WNK1: variants seen among roughly 807,000 people sequenced by gnomAD.
WNK1 encodes the protein serine/threonine-protein kinase WNK1.
In WNK1, 38 loss-of-function variants were observed where a neutral mutation model predicts 222.8. The ratio of observed to expected loss-of-function variants is 0.17; its 90% CI spans 0.13 to 0.22. WNK1 has a LOEUF of 0.22. Ranked by LOEUF, WNK1 falls within the 10% of genes least tolerant of loss-of-function variation. WNK1 has a pLI of 1.00. For synonymous variants in WNK1, 1,090 were observed against 1,092.9 expected, an observed-to-expected ratio of 1.00 and a Z score of 0.05; for missense variants, 2,348 against 2,918.4, an observed-to-expected ratio of 0.80 and a Z score of 4.50.
intron 4 of WNK1, among the ~76,000 whole-genome samples, chr12:831,700 T>C (rs2154029102): frequency 6.6e-6 from 1 of 152,322 alleles, no homozygotes; most frequent in African/African-American, 2.4e-5. Context: ...TTATAATTTT[T>C]AATGAATTAA....
rs889773387 is a variant in WNK1, at chr12:883,192, T to A, written c.3489+133T>A. On this transcript the variant is annotated intron_variant, in intron 15 of 27. Coordinates refer to ENST00000315939, the MANE Select transcript of WNK1 (RefSeq NM_018979.4). ...GCATTTACTTCAATGTGAATAAAAC[T>A]ATCACACCCAACCTGTGATTTAGTG... is the stretch of plus-strand genomic sequence containing the variant. 30 of 960,404 alleles carry A rather than the reference T, an allele frequency of 3.1e-5. No homozygotes were observed. The African/African-American group carries it at 4.2e-4, about 13-fold the overall frequency. The allele number at this position is 960,404 out of a possible 1,614,324, so 59.5% of individuals were successfully genotyped here.
At chr12:770,174 A>G (rs530772047) in intron 1 of WNK1, among the ~76,000 whole-genome samples, 3 of 152,006 alleles carry the variant, frequency 2.0e-5, no homozygotes, top group East Asian at 1.9e-4. Flanking sequence ...TGGTTTCTCT[A>G]TGTTGGTCAG....
In WNK1 at chr12:834,869, A is replaced by G. The variant is rs542579785; in HGVS notation, c.1311+4709A>G. On this transcript the variant is annotated intron_variant, in intron 4 of 27. Coordinates refer to ENST00000315939, the MANE Select transcript of WNK1 (RefSeq NM_018979.4). ...GAAACTTTGAACTGATTAGGAAATA[A>G]TAATTGTGAAGCAGCACCAGGCATC... Among the ~76,000 whole-genome samples, 5 of 152,320 alleles carry G rather than the reference A, an allele frequency of 3.3e-5. No individual in the cohort carries two copies. The South Asian group carries it at 8.3e-4, about 25-fold the overall frequency.
intron 3 of WNK1, among the ~76,000 whole-genome samples, chr12:828,873 T>C (rs1591894591): frequency 1.3e-5 from 2 of 152,252 alleles, no homozygotes; most frequent in Admixed American, 1.3e-4. Flanking sequence ...TAAGTGAACT[T>C]GGATACTGAG....
At chr12:833,396 A>G (rs1444594569) in intron 4 of WNK1, among the ~76,000 whole-genome samples, 1 of 152,210 alleles carries the variant, frequency 6.6e-6, no homozygotes, top group Non-Finnish European at 1.5e-5. Flanking sequence ...AATCTTTGCT[A>G]TTCTTCATCT....
rs1012754203 is a variant in WNK1 at position 754,086 on chromosome 12, G to A, written c.521G>A (p.Ser174Asn). 2.5e-6 allele frequency: 4 copies of A among 1,609,512 alleles called. No homozygotes were observed. In the African/African-American group the frequency reaches 5.3e-5, roughly 21 times the overall value. Residue 174 changes from serine (S) to asparagine (N), a missense_variant, in exon 1 of 28, where the codon AGC (serine) becomes AAC (asparagine). Transcript: ENST00000315939. Reference protein sequence around the residue: ...RPVSQPSLVGSKEEPPPARSG... With the variant: ...RPVSQPSLVGNKEEPPPARSG... ...GTGTCCCAGCCTAGCCTTGTGGGGA[G>A]CAAAGAGGAGCCGCCGCCGGCGAGA...
At chr12:902,839 C>G (rs892056955) in intron 26 of WNK1, among the ~76,000 whole-genome samples, 7 of 152,126 alleles carry the variant, frequency 4.6e-5, no homozygotes, top group African/African-American at 1.4e-4. Flanking sequence ...AATAACTGTT[C>G]GTGGAAGAAC....
chr12:778,757 T>TA (rs1226007652), intron 1 of WNK1, among the ~76,000 whole-genome samples: 3 of 152,100 alleles, frequency 2.0e-5, no homozygotes, highest in Admixed American at 1.3e-4. Context: ...ATAAGGACAG[T>TA]ACATGTAAAC....
In WNK1 at chr12:867,898, C is replaced by A. The variant is rs1277961395; in HGVS notation, c.2140-3367C>A. On this transcript the variant is annotated intron_variant, in intron 8 of 27. Coordinates refer to ENST00000315939, the MANE Select transcript of WNK1 (RefSeq NM_018979.4). Reference sequence around the variant, plus strand: ...CCATGGCGCATCCGTGTGGGGGGACCCCAACATACCCAGAATCACAGATAT... The same window carrying A: ...CCATGGCGCATCCGTGTGGGGGGACACCAACATACCCAGAATCACAGATAT... 1.2e-6 allele frequency: 2 copies of A among 1,613,848 alleles called. No homozygotes were observed. The highest frequency in any genetic ancestry group is 2.7e-5 in the African/African-American group (2 of 74,906).
chr12:779,978 T>C (rs1233110673), intron 1 of WNK1, among the ~76,000 whole-genome samples: 1 of 152,234 alleles, frequency 6.6e-6, no homozygotes, highest in Non-Finnish European at 1.5e-5. Flanking sequence ...AAATTTGGAA[T>C]TTTGTGGATA....
intron 4 of WNK1, among the ~76,000 whole-genome samples, chr12:839,072 T>A (rs1470519701): frequency 6.6e-6 from 1 of 152,146 alleles, no homozygotes; most frequent in African/African-American, 2.4e-5. Context: ...AAAACACTTA[T>A]TTTAGGGATA....
intron 1 of WNK1, among the ~76,000 whole-genome samples, chr12:807,829 C>T (rs1946518543): frequency 6.7e-6 from 1 of 150,184 alleles, no homozygotes; most frequent in Non-Finnish European, 1.5e-5. Context: ...ACGCCATTCT[C>T]CGGCCTCAGC....
intron 1 of WNK1, among the ~76,000 whole-genome samples, chr12:799,777 C>T (rs956089817): frequency 6.6e-5 from 10 of 152,000 alleles, no homozygotes; most frequent in Middle Eastern, 3.2e-3. Flanking sequence ...CTCTGCCTCC[C>T]GGGTTCAAAT....
At chr12:801,259 A>C (rs540492871) in intron 1 of WNK1, among the ~76,000 whole-genome samples, 1 of 152,298 alleles carries the variant, frequency 6.6e-6, no homozygotes, top group South Asian at 2.1e-4. Flanking sequence ...ATGAATGTTG[A>C]GTCACCTTTC....
At chr12:816,611 A>T in intron 2 of WNK1, among the ~76,000 whole-genome samples, 1 of 152,068 alleles carries the variant, frequency 6.6e-6, no homozygotes, top group East Asian at 1.9e-4. Flanking sequence ...TCCATCTCAT[A>T]TGTAGATGGC....
intron 4 of WNK1, among the ~76,000 whole-genome samples, chr12:854,975 A>G (rs1950673874): frequency 6.6e-6 from 1 of 152,188 alleles, no homozygotes; most frequent in African/African-American, 2.4e-5. Context: ...TTCTCTTTTG[A>G]ATTTTCAATA....
At chr12:815,893 A>T (rs539165400) in intron 2 of WNK1, among the ~76,000 whole-genome samples, 88 of 152,224 alleles carry the variant, frequency 5.8e-4, no homozygotes, top group Non-Finnish European at 1.1e-3. Context: ...ATATAATAAA[A>T]GTTTTTTCCA....
intron 4 of WNK1, among the ~76,000 whole-genome samples, chr12:835,125 C>T (rs987302496): frequency 6.6e-6 from 1 of 152,094 alleles, no homozygotes; most frequent in Non-Finnish European, 1.5e-5. Context: ...TCAAGACTAG[C>T]CTGGGCAACA....
At chr12:851,970 G>A (rs562260317) in intron 4 of WNK1, among the ~76,000 whole-genome samples, 1 of 152,112 alleles carries the variant, frequency 6.6e-6, no homozygotes, top group Non-Finnish European at 1.5e-5. Flanking sequence ...GTGTGAGGAG[G>A]GGGTAGGCTT....
Sources: allele counts gnomAD v4.1 joint callset (sites outside exome capture counted in the v4.1 genomes callset), GRCh38; gene constraint gnomAD v4.1.1; transcripts MANE v1.5; gene names NCBI Gene and HGNC (gene_info 2026-07-23, HGNC 2026-07-21).